The following GBE1 variants were observed in gnomAD, a reference collection of about 807,000 sequenced individuals.
The protein encoded by GBE1 is 1,4-alpha-glucan-branching enzyme.
GBE1 carries 70 observed loss-of-function variants against 88.8 expected under a neutral mutation model. The observed-to-expected ratio is 0.79, with a 90% CI of 0.65 to 0.96. The LOEUF is 0.96. Among genes scored for constraint, GBE1 ranks in the 40% least tolerant of loss-of-function variants. The pLI is 0.00. For missense variants in GBE1, 872 were observed against 871.0 expected (o/e 1.00, Z -0.01); for synonymous variants, 284 against 300.1 (o/e 0.95, Z 0.56).
intron 12 of GBE1, among the ~76,000 whole-genome samples, chr3:81,550,438 C>A (rs1051231979): frequency 2.6e-5 from 4 of 151,286 alleles, no homozygotes; most frequent in Non-Finnish European, 5.9e-5. Flanking sequence ...CCCTCTATAA[C>A]CTTTAAGAGT....
chr3:81,664,143 G>A (rs1705076425), intron 3 of GBE1, among the ~76,000 whole-genome samples: 1 of 152,066 alleles, frequency 6.6e-6, no homozygotes, highest in Non-Finnish European at 1.5e-5. Context: ...GAATGCTAGG[G>A]GCAGAGAGGA....
At chr3:81,760,019 T>C in intron 1 of GBE1, among the ~76,000 whole-genome samples, 1 of 151,964 alleles carries the variant, frequency 6.6e-6, no homozygotes, top group African/African-American at 2.4e-5. Context: ...AAATTTTTTC[T>C]GACTATTTCT....
intron 3 of GBE1, among the ~76,000 whole-genome samples, chr3:81,667,160 C>T (rs1705123337): frequency 6.6e-6 from 1 of 152,190 alleles, no homozygotes; most frequent in Non-Finnish European, 1.5e-5. Flanking sequence ...AGGTCCTTCA[C>T]ATCCCTTGTT....
At chr3:81,533,852 T>C (rs1703040272) in intron 14 of GBE1, among the ~76,000 whole-genome samples, 1 of 152,058 alleles carries the variant, frequency 6.6e-6, no homozygotes, top group Non-Finnish European at 1.5e-5. Flanking sequence ...CTTGGAGTCA[T>C]GGCTCTTATC....
At chr3:81,699,222 T>C (rs1472955626) in intron 2 of GBE1, among the ~76,000 whole-genome samples, 2 of 151,756 alleles carry the variant, frequency 1.3e-5, no homozygotes, top group East Asian at 3.9e-4. Context: ...CCAGAGGGAG[T>C]TGAAATGTCT....
chr3:81,695,937 G>C (rs985461996), intron 2 of GBE1, among the ~76,000 whole-genome samples: 12 of 152,096 alleles, frequency 7.9e-5, no homozygotes, highest in African/African-American at 2.9e-4. Flanking sequence ...CCTAATGAGA[G>C]GGGGGTCTCT....
chr3:81,739,184 T>G lies in GBE1; in HGVS notation c.143+22191A>C, dbSNP rs193227691. Among the ~76,000 whole-genome samples, 225 of 152,216 alleles carry G rather than the reference T, an allele frequency of 1.5e-3. 1 individual carries two copies. Among genetic ancestry groups the G allele is most frequent in the Non-Finnish European group, 2.3e-3 (158 of 68,006 alleles). ...GGGGGTTAGGATTCCAATATATAAA[T>G]TTCGGCAGAGGGAATACAAACATTC... On this transcript the variant is annotated intron_variant, in intron 1 of 15. Transcript: ENST00000429644.
intron 10 of GBE1, among the ~76,000 whole-genome samples, chr3:81,583,220 C>A (rs564478806): frequency 6.6e-6 from 1 of 152,044 alleles, no homozygotes; most frequent in African/African-American, 2.4e-5. Context: ...AGTGACAACA[C>A]CAAATGCTGG....
At chr3:81,759,563 T>C (rs1016043237) in intron 1 of GBE1, among the ~76,000 whole-genome samples, 1 of 152,254 alleles carries the variant, frequency 6.6e-6, no homozygotes, top group Non-Finnish European at 1.5e-5. Flanking sequence ...GCCAAATTAC[T>C]ATTTGATATG....
rs1705356053 is a variant in GBE1, at chr3:81,682,217, CTT to C, written c.314-11266_314-11265del. Among the ~76,000 whole-genome samples, 7 of 152,312 alleles carry C rather than the reference CTT, an allele frequency of 4.6e-5. No individual in the cohort carries two copies. In the South Asian group the frequency reaches 1.5e-3, roughly 32 times the overall value. ...GTGGCTCACATCTATAATCCCAACA[CTT>C]TGGTAGGCCAAGGCAGGAGGGTTGC... On this transcript the variant is annotated intron_variant, in intron 2 of 15. Coordinates refer to ENST00000429644, the MANE Select transcript of GBE1 (RefSeq NM_000158.4).
intron 12 of GBE1, among the ~76,000 whole-genome samples, chr3:81,575,856 T>C (rs1054106274): frequency 1.3e-5 from 2 of 152,198 alleles, no homozygotes; most frequent in Admixed American, 1.3e-4. Context: ...TATTCTTTAA[T>C]ACATGGGAAG....
At chr3:81,554,033 G>T (rs767877098) in intron 12 of GBE1, among the ~76,000 whole-genome samples, 2 of 152,114 alleles carry the variant, frequency 1.3e-5, no homozygotes, top group Admixed American at 6.6e-5. Context: ...ACACAATGTT[G>T]TAAGAACCAG....
intron 12 of GBE1, among the ~76,000 whole-genome samples, chr3:81,575,935 C>G (rs993937228): frequency 1.3e-5 from 2 of 152,096 alleles, no homozygotes; most frequent in Non-Finnish European, 2.9e-5. Flanking sequence ...GTATAAGGTT[C>G]CTCATCAGCC....
At chr3:81,702,492 G>A (rs755850526) in intron 2 of GBE1, among the ~76,000 whole-genome samples, 2 of 151,904 alleles carry the variant, frequency 1.3e-5, no homozygotes, top group Non-Finnish European at 2.9e-5. Flanking sequence ...TATACTGCCT[G>A]TCCTTAACTA....
At chr3:81,528,578 T>C (rs1392896028) in intron 14 of GBE1, among the ~76,000 whole-genome samples, 2 of 152,032 alleles carry the variant, frequency 1.3e-5, no homozygotes, top group Non-Finnish European at 2.9e-5. Flanking sequence ...AGGTGGGGTA[T>C]TGAAGTCTCC....
rs397990331 is a variant in GBE1 at position 81,710,232 on chromosome 3, C to CTTTTTTTTTTTTTTT, written c.144-4634_144-4620dup. On this transcript the variant is annotated intron_variant, in intron 1 of 15. Transcript: ENST00000429644. Reference sequence around the variant, plus strand: ...TTGTTTTACTCTTAAGGTAATTAATCTTTTTTTTTTTTTTTTTTTTGAGAC... The same window carrying CTTTTTTTTTTTTTTT: ...TTGTTTTACTCTTAAGGTAATTAATCTTTTTTTTTTTTTTTTTTTTTTTTTTTTTTTTTTTGAGAC... Among the ~76,000 whole-genome samples the CTTTTTTTTTTTTTTT allele has an allele frequency of 2.8e-4, 26 of 93,228 alleles. 2 individuals are homozygous for CTTTTTTTTTTTTTTT. Among genetic ancestry groups the CTTTTTTTTTTTTTTT allele is most frequent in the African/African-American group, 3.7e-4 (8 of 21,794 alleles). The allele number at this position is 93,228 out of a possible 152,430, so 61.2% of individuals were successfully genotyped here.
intron 12 of GBE1, among the ~76,000 whole-genome samples, chr3:81,555,458 G>A (rs774776411): frequency 2.6e-5 from 4 of 152,270 alleles, no homozygotes; most frequent in South Asian, 2.1e-4. Context: ...GAACACAGAC[G>A]TGAAGCAATA....
intron 14 of GBE1, among the ~76,000 whole-genome samples, chr3:81,515,365 C>A (rs930034555): frequency 6.6e-6 from 1 of 151,246 alleles, no homozygotes; most frequent in African/African-American, 2.4e-5. Flanking sequence ...TGATCTGTGA[C>A]CAGTGATCCT....
chr3:81,709,350 ATCTATACT>A (rs1304048889), intron 1 of GBE1, among the ~76,000 whole-genome samples: 1 of 152,146 alleles, frequency 6.6e-6, no homozygotes, highest in East Asian at 1.9e-4. Flanking sequence ...AATATCAGTC[ATCTATACT>A]TCTTGGAATA....
Sources: gnomAD v4.1 joint callset for allele counts (sites outside exome capture counted in the v4.1 genomes callset) on GRCh38, gnomAD v4.1.1 for gene constraint, MANE v1.5 for transcripts, NCBI Gene and HGNC (gene_info 2026-07-23, HGNC 2026-07-21) for gene names.